Variants in ASIC1 observed in about 807,000 individuals in gnomAD.
The protein encoded by ASIC1 is acid-sensing ion channel 1.
Under a neutral mutation model 63.4 loss-of-function variants are expected in ASIC1, and 21 were observed. The observed-to-expected ratio is 0.33, with a 90% CI of 0.23 to 0.48. The LOEUF is 0.48. Among genes scored for constraint, ASIC1 ranks in the 20% least tolerant of loss-of-function variants. The probability of loss-of-function intolerance (pLI) is 0.99; values close to 1 mark genes in which losing one functional copy is unlikely to be tolerated. For synonymous variants in ASIC1, 258 were observed against 278.2 expected (o/e 0.93, Z 0.72); for missense variants, 478 against 695.5 (o/e 0.69, Z 3.52).
intron 3 of ASIC1, among the ~76,000 whole-genome samples, chr12:50,069,209 T>C (rs932356979): frequency 4.6e-5 from 7 of 151,726 alleles, no homozygotes; most frequent in South Asian, 2.1e-4. Context: ...CACAAATATA[T>C]ACACACACAC....
rs761735416 is a variant in ASIC1, at chr12:50,059,903, G to A, written c.507G>A (p.Leu169=). 1 of 1,614,004 alleles carries A rather than the reference G, an allele frequency of 6.2e-7. No homozygotes were observed. The highest frequency in any genetic ancestry group is 8.5e-7 in the Non-Finnish European group (1 of 1,180,012). ...CTGGGCACGACATTCGAGACATGCT[G>A]CTCTCCTGCCACTTCCGGGGGGAGG... ...DRAGHDIRDM[L]LSCHFRGEVC... Residue 169 remains leucine, a synonymous_variant, in exon 3 of 12, where the codon CTG becomes CTA. Coordinates refer to ENST00000447966, the MANE Select transcript of ASIC1 (RefSeq NM_001095.4). This position sits in a 1 kb window ranked among gnomAD's most constrained non-coding sequence, Gnocchi z 4.6.
intron 3 of ASIC1, among the ~76,000 whole-genome samples, chr12:50,065,157 G>A (rs941062035): frequency 1.3e-5 from 2 of 152,120 alleles, no homozygotes; most frequent in African/African-American, 2.4e-5. Context: ...CCATTCTTCC[G>A]CCTTGGCCAA....
Position 50,058,781 on chromosome 12 carries a change from C to G in ASIC1, c.15C>G (p.Ala5=). ...CCTCAACAAGGATGGAACTGAAGGCCGAGGAGGAGGAGGTGGGTGGCGTCC... is the reference window on the plus strand; with the variant it reads ...CCTCAACAAGGATGGAACTGAAGGCGGAGGAGGAGGAGGTGGGTGGCGTCC... MELK[A]EEEEVGGVQP... The change falls in exon 2 of 12, where the codon GCC becomes GCG. Residue 5 remains alanine, a synonymous_variant. Coordinates refer to ENST00000447966, the MANE Select transcript of ASIC1 (RefSeq NM_001095.4). 1.3e-6 allele frequency: 2 copies of G among 1,584,730 alleles called. No homozygotes were observed. The highest frequency in any genetic ancestry group is 1.2e-5 in the South Asian group (1 of 86,068).
intron 3 of ASIC1, chr12:50,076,806 A>G: frequency 2.7e-6 from 1 of 372,720 alleles, no homozygotes; most frequent in Non-Finnish European, 5.3e-6. Flanking sequence ...ACAAAAGAAG[A>G]CAGTGCTCTG....
intron 3 of ASIC1, 140 bp downstream of exon 3, chr12:50,060,094 G>A: frequency 2.9e-6 from 3 of 1,038,788 alleles, no homozygotes; most frequent in East Asian, 2.6e-5. Flanking sequence ...CTAGTAGAAG[G>A]GGAGTTTGTT....
At chr12:50,060,234 G>A (rs1031040897) in intron 3 of ASIC1, among the ~76,000 whole-genome samples, 3 of 152,162 alleles carry the variant, frequency 2.0e-5, no homozygotes, top group Non-Finnish European at 4.4e-5. Flanking sequence ...GTCTGGCATA[G>A]CCACAAACCC....
chr12:50,067,578 T>G (rs1950558275), intron 3 of ASIC1, among the ~76,000 whole-genome samples: 1 of 152,090 alleles, frequency 6.6e-6, no homozygotes, highest in Non-Finnish European at 1.5e-5. Context: ...GCGGCTATTT[T>G]TTTGTTGTTG....
At position 50,080,110 on chromosome 12, in the gene ASIC1, T is replaced by C. The variant is rs12313064; in HGVS notation, c.1205+55T>C. 9,063 of 1,550,634 alleles carry C rather than the reference T, an allele frequency of 5.8e-3. 497 individuals are homozygous for C. In the African/African-American group the frequency reaches 0.11, roughly 19 times the overall value. ...CCTTGGGTTGGGACTGTGGAATGGA[T>C]GAGTGGGGTTTGATGGGGGCGGGGG... is the stretch of plus-strand genomic sequence containing the variant. On this transcript the variant is annotated intron_variant, in intron 8 of 11. Transcript: ENST00000447966.
At chr12:50,068,016 G>T (rs570119509) in intron 3 of ASIC1, among the ~76,000 whole-genome samples, 1 of 152,234 alleles carries the variant, frequency 6.6e-6, no homozygotes, top group Non-Finnish European at 1.5e-5. Flanking sequence ...CTGTTTCCTA[G>T]TCAATGCTAC....
chr12:50,069,714 T>A (rs1057442541), intron 3 of ASIC1, among the ~76,000 whole-genome samples: 1 of 152,010 alleles, frequency 6.6e-6, no homozygotes, highest in South Asian at 2.1e-4. Context: ...TTTTTTTTCA[T>A]AGCACTTATG....
At position 50,059,621 on chromosome 12, in the gene ASIC1, C is replaced by A; in HGVS notation, c.363-138C>A. Reference sequence around the variant, plus strand: ...GTCATTTCAGACCCATGTGGTAGAGCCTCTGCATGCCCAGCTCTCCTTCCT... The same window carrying A: ...GTCATTTCAGACCCATGTGGTAGAGACTCTGCATGCCCAGCTCTCCTTCCT... On this transcript the variant is annotated intron_variant, in intron 2 of 11. Coordinates refer to ENST00000447966, the MANE Select transcript of ASIC1 (RefSeq NM_001095.4). The surrounding 1 kb of genome is among the most constrained non-coding windows in gnomAD (Gnocchi z 4.6). 1 of 872,202 alleles carries A rather than the reference C, an allele frequency of 1.1e-6. No homozygotes were observed. Among genetic ancestry groups the A allele is most frequent in the Non-Finnish European group, 1.7e-6 (1 of 575,860 alleles). The allele number at this position is 872,202 out of a possible 1,614,324, so 54.0% of individuals were successfully genotyped here.
At chr12:50,075,717 C>T (rs931344988) in intron 3 of ASIC1, among the ~76,000 whole-genome samples, 2 of 152,222 alleles carry the variant, frequency 1.3e-5, no homozygotes, top group South Asian at 2.1e-4. Context: ...GCCTGAAACT[C>T]TTTTGTCTCT....
Position 50,081,528 on chromosome 12 carries a change from C to T in ASIC1, c.1483-17C>T. On this transcript the variant is annotated splice_polypyrimidine_tract_variant and intron_variant, in intron 11 of 11. Transcript: ENST00000447966. ...TTCCGAGGGATAACCCGTCCCTGTC[C>T]TGTCCCCTTCCCCCAGAACCCGTGC... The T allele has an allele frequency of 6.2e-7, 1 of 1,612,872 alleles. No individual in the cohort carries two copies. Among genetic ancestry groups the T allele is most frequent in the Non-Finnish European group, 8.5e-7 (1 of 1,179,296 alleles).
intron 3 of ASIC1, among the ~76,000 whole-genome samples, chr12:50,061,014 A>G (rs1457565852): frequency 1.3e-5 from 2 of 152,198 alleles, no homozygotes; most frequent in African/African-American, 2.4e-5. Context: ...CAGGTTCAGG[A>G]TTAGAACTCA....
intron 3 of ASIC1, among the ~76,000 whole-genome samples, chr12:50,069,466 G>C (rs1950578119): frequency 6.6e-6 from 1 of 151,938 alleles, no homozygotes; most frequent in African/African-American, 2.4e-5. Context: ...GCTAATTTTT[G>C]TATTTTTAGT....
chr12:50,058,215 A>G (rs1271549367), intron 1 of ASIC1, among the ~76,000 whole-genome samples: 2 of 151,736 alleles, frequency 1.3e-5, no homozygotes, highest in Non-Finnish European at 2.9e-5. Flanking sequence ...AACTGGAGAC[A>G]CCCGCAGGTG....
chr12:50,067,147 A>G (rs982353042), intron 3 of ASIC1, among the ~76,000 whole-genome samples: 1 of 152,182 alleles, frequency 6.6e-6, no homozygotes. Flanking sequence ...AGCACCTGCC[A>G]GCTCCTATAG....
In ASIC1 at chr12:50,077,335, C is replaced by G; in HGVS notation, c.681C>G (p.Asp227Glu). ...AAATCATGCTGGACATCCAGCAGGA[C>G]GAGTACCTGCCTGTGTGGGGGGAGA... is the stretch of plus-strand genomic sequence containing the variant. The part of the protein sequence containing the change: ...GLEIMLDIQQ[D>E]EYLPVWGETD... Residue 227 changes from aspartate (D) to glutamate (E), a missense_variant, in exon 4 of 12, where the codon GAC becomes GAG. Coordinates refer to ENST00000447966, the MANE Select transcript of ASIC1 (RefSeq NM_001095.4). 6.2e-7 allele frequency: 1 copy of G among 1,614,190 alleles called. No homozygotes were observed. The highest frequency in any genetic ancestry group is 8.5e-7 in the Non-Finnish European group (1 of 1,180,030).
rs376276861 is a variant in ASIC1, at chr12:50,074,860, C to CTGTGTGTGTG, written c.559-2315_559-2306dup. 1.6e-3 allele frequency among the ~76,000 whole-genome samples: 230 copies of CTGTGTGTGTG among 141,510 alleles called. 1 individual carries two copies. Among genetic ancestry groups the CTGTGTGTGTG allele is most frequent in the African/African-American group, 4.5e-3 (170 of 37,612 alleles). The allele number at this position is 141,510 out of a possible 152,430, so 92.8% of individuals were successfully genotyped here. A position where few individuals can be genotyped will look rare whatever the true frequency, so the allele number is the denominator to read the frequency against. On this transcript the variant is annotated intron_variant, in intron 3 of 11. Coordinates refer to ENST00000447966, the MANE Select transcript of ASIC1 (RefSeq NM_001095.4). This position sits in a 1 kb window ranked among gnomAD's most constrained non-coding sequence, Gnocchi z 4.2. Reference sequence around the variant, plus strand: ...TATGGACGCCCCACCCCCACCAGCTCTGTGTGTGTGTGTGTGTGTGTGTGT... The same window carrying CTGTGTGTGTG: ...TATGGACGCCCCACCCCCACCAGCTCTGTGTGTGTGTGTGTGTGTGTGTGTGTGTGTGTGT...
Sources: gnomAD v4.1 joint callset for allele counts (sites outside exome capture counted in the v4.1 genomes callset) on GRCh38, gnomAD v4.1.1 for gene constraint, Gnocchi (gnomAD v3.1) non-coding constraint, MANE v1.5 for transcripts, NCBI Gene and HGNC (gene_info 2026-07-23, HGNC 2026-07-21) for gene names.